WDR41: variants seen among roughly 807,000 people sequenced by gnomAD.
WDR41 encodes WD repeat domain 41, also known as WD repeat-containing protein 41.
In WDR41, 63 loss-of-function variants were observed where a neutral mutation model predicts 69.3. That is an observed-to-expected ratio of 0.91 (90% CI 0.74 to 1.12). The LOEUF (loss-of-function observed/expected upper bound fraction) is 1.12. WDR41 is among the 50% of genes most tolerant of loss of function. The pLI is 0.00. For missense variants in WDR41, 543 were observed against 534.5 expected, an observed-to-expected ratio of 1.02 and a Z score of -0.16; for synonymous variants, 185 against 192.1, an observed-to-expected ratio of 0.96 and a Z score of 0.31.
chr5:77,440,415 C>A (rs1799112006), intron 9 of WDR41, among the ~76,000 whole-genome samples: 1 of 152,074 alleles, frequency 6.6e-6, no homozygotes, highest in African/African-American at 2.4e-5. Context: ...TTATCTTGCC[C>A]CAAGATGCCA....
At chr5:77,468,271 C>T (rs1800395615) in intron 2 of WDR41, among the ~76,000 whole-genome samples, 1 of 152,010 alleles carries the variant, frequency 6.6e-6, no homozygotes, top group Non-Finnish European at 1.5e-5. Flanking sequence ...GATGCTTAAA[C>T]CTAAGAATAA....
chr5:77,577,008 C>A (rs1743846792), intron 1 of WDR41, among the ~76,000 whole-genome samples: 1 of 152,110 alleles, frequency 6.6e-6, no homozygotes, highest in Admixed American at 6.6e-5. Flanking sequence ...GAAGAGTTGA[C>A]ATTGGAAGTG....
chr5:77,541,811 C>T (rs1743093991), intron 1 of WDR41, among the ~76,000 whole-genome samples: 1 of 152,186 alleles, frequency 6.6e-6, no homozygotes, highest in South Asian at 2.1e-4. Flanking sequence ...AACACTTTTA[C>T]ACTGTTGGTG....
intron 2 of WDR41, among the ~76,000 whole-genome samples, chr5:77,474,807 G>C (rs372694621): frequency 6.6e-6 from 1 of 152,290 alleles, no homozygotes; most frequent in African/African-American, 2.4e-5. Flanking sequence ...ACAGTAGGAG[G>C]AGGAGCCAAG....
At chr5:77,568,449 T>C (rs1439024646) in intron 1 of WDR41, among the ~76,000 whole-genome samples, 3 of 152,198 alleles carry the variant, frequency 2.0e-5, no homozygotes, top group Non-Finnish European at 4.4e-5. Context: ...ATTATGAACC[T>C]GTATGAGAGC....
chr5:77,617,683 G>T (rs1301266448), intron 1 of WDR41, among the ~76,000 whole-genome samples: 1 of 152,112 alleles, frequency 6.6e-6, no homozygotes, highest in Non-Finnish European at 1.5e-5. Context: ...AAAATATTAG[G>T]TAGGTACGTG....
chr5:77,467,637 G>T (rs565647416), intron 2 of WDR41, among the ~76,000 whole-genome samples: 1 of 151,884 alleles, frequency 6.6e-6, no homozygotes, highest in African/African-American at 2.4e-5. Flanking sequence ...TTATAACATG[G>T]CACTTGCCAG....
intron 8 of WDR41, among the ~76,000 whole-genome samples, chr5:77,443,038 CA>C (rs1052025355): frequency 1.3e-5 from 2 of 150,574 alleles, no homozygotes; most frequent in African/African-American, 4.9e-5. Flanking sequence ...TAGGGTAAGA[CA>C]GAAGACTATA....
In WDR41 at chr5:77,530,758, T is replaced by G. The variant is rs182895712; in HGVS notation, c.43-41186A>C. Among the ~76,000 whole-genome samples, 427 of 151,832 alleles carry G rather than the reference T, an allele frequency of 2.8e-3. 3 individuals carry two copies. The highest frequency in any genetic ancestry group is 9.9e-3 in the African/African-American group (411 of 41,532). ...TATATGTAAAATTTACATTAAAAAATTAACTGTAAACAAATATTGAATTCT... is the reference window on the plus strand; with the variant it reads ...TATATGTAAAATTTACATTAAAAAAGTAACTGTAAACAAATATTGAATTCT... On this transcript the variant is annotated intron_variant, in intron 1 of 5. Coordinates refer to the WDR41 transcript ENST00000509971.
chr5:77,448,738 T>A (rs1272640495), intron 8 of WDR41, among the ~76,000 whole-genome samples: 3 of 151,754 alleles, frequency 2.0e-5, no homozygotes, highest in Non-Finnish European at 2.9e-5. Context: ...CATGGTGATA[T>A]GCGCCTGTAG....
intron 4 of WDR41, among the ~76,000 whole-genome samples, chr5:77,462,651 A>C (rs1173000288): frequency 6.6e-6 from 1 of 152,182 alleles, no homozygotes; most frequent in Admixed American, 6.5e-5. Context: ...TCACTTTTCT[A>C]TCAGACTCAG....
intron 1 of WDR41, among the ~76,000 whole-genome samples, chr5:77,620,023 A>G (rs1744750606): frequency 6.6e-6 from 1 of 152,152 alleles, no homozygotes; most frequent in African/African-American, 2.4e-5. Flanking sequence ...AAATAAGCAT[A>G]TATATATGCT....
rs78148217 is a variant in WDR41, at chr5:77,433,179, ATAATCT to A, written c.1330_1335del (p.Arg444_Leu445del). 1.3e-4 allele frequency: 204 copies of A among 1,613,742 alleles called. 1 individual carries two copies. The East Asian group carries it at 1.7e-3, about 14-fold the overall frequency. ...TCACCATTCTCCTCTAATTTTTGAA[ATAATCT>A]TAAACTGCGCAATCCAGATTCTCGC... is the stretch of plus-strand genomic sequence containing the variant. On this transcript the variant is annotated inframe_deletion, in exon 13 of 13. Transcript: ENST00000296679.
chr5:77,479,328 A>C (rs991564381), intron 2 of WDR41, among the ~76,000 whole-genome samples: 5 of 152,166 alleles, frequency 3.3e-5, no homozygotes, highest in East Asian at 1.9e-4. Flanking sequence ...ACTACTTTAA[A>C]GTTCATATGG....
At chr5:77,551,797 G>A (rs1448489276) in intron 1 of WDR41, among the ~76,000 whole-genome samples, 4 of 151,156 alleles carry the variant, frequency 2.6e-5, no homozygotes, top group Non-Finnish European at 4.4e-5. Context: ...GGCCAACATG[G>A]TGAAACCCCT....
chr5:77,454,892 T>C (rs1476705815), intron 5 of WDR41, among the ~76,000 whole-genome samples: 1 of 152,256 alleles, frequency 6.6e-6, no homozygotes, highest in Non-Finnish European at 1.5e-5. Context: ...TGGATATACA[T>C]TGTGTTTATT....
At chr5:77,464,529 G>A (rs536521688) in intron 3 of WDR41, among the ~76,000 whole-genome samples, 4 of 151,358 alleles carry the variant, frequency 2.6e-5, no homozygotes, top group Admixed American at 6.6e-5. Context: ...TTACAGGCAC[G>A]AGCCACCACA....
At chr5:77,582,452 T>C in intron 1 of WDR41, 7 of 1,604,620 alleles carry the variant, frequency 4.4e-6, no homozygotes, top group Admixed American at 1.7e-5. Context: ...AGGAATTTCG[T>C]AGAGCTGAAG....
At chr5:77,455,548 GC>G (rs1247945097) in intron 5 of WDR41, among the ~76,000 whole-genome samples, 1 of 152,078 alleles carries the variant, frequency 6.6e-6, no homozygotes, top group African/African-American at 2.4e-5. Context: ...AGAGATGTAC[GC>G]CTATATTTCT....
Sources: gnomAD v4.1 joint callset for allele counts (sites outside exome capture counted in the v4.1 genomes callset) on GRCh38, gnomAD v4.1.1 for gene constraint, MANE v1.5 for transcripts, NCBI Gene and HGNC (gene_info 2026-07-23, HGNC 2026-07-21) for gene names.